Variants in STRIP2 observed in about 807,000 individuals in gnomAD.
The protein encoded by STRIP2 is striatin interacting protein 2, also known as striatin-interacting protein 2.
Under a neutral mutation model 107.1 loss-of-function variants are expected in STRIP2, and 84 were observed. The observed-to-expected ratio is 0.78, with a 90% CI of 0.66 to 0.94. The LOEUF (loss-of-function observed/expected upper bound fraction) is 0.94. STRIP2 is among the 40% of genes least tolerant of loss of function. STRIP2 has a pLI of 0.00. For missense variants in STRIP2, 888 were observed against 1,034.2 expected, an observed-to-expected ratio of 0.86 and a Z score of 1.94; for synonymous variants, 394 against 400.4, an observed-to-expected ratio of 0.98 and a Z score of 0.19.
chr7:129,447,002 A>G (rs1798055065), intron 3 of STRIP2, among the ~76,000 whole-genome samples: 1 of 152,178 alleles, frequency 6.6e-6, no homozygotes, highest in Admixed American at 6.5e-5. Flanking sequence ...TCTGCAGAAG[A>G]TGGCAGGGCC....
At position 129,483,077 on chromosome 7, in the gene STRIP2, G is replaced by T. The variant is rs762997391; in HGVS notation, c.2254+31G>T. The T allele has an allele frequency of 2.5e-6, 4 of 1,609,936 alleles. No individual in the cohort carries two copies. Among genetic ancestry groups the T allele is most frequent in the Non-Finnish European group, 3.4e-6 (4 of 1,176,998 alleles). On this transcript the variant is annotated intron_variant, in intron 20 of 20. Coordinates refer to ENST00000249344, the MANE Select transcript of STRIP2 (RefSeq NM_020704.3). This position sits in a 1 kb window ranked among gnomAD's most constrained non-coding sequence, Gnocchi z 5.1. ...TCTTCCCAAAGCTCTTGACTTCCTGGAGTTTCCTGGGGTTTAGACAAAACT... is the reference window on the plus strand; with the variant it reads ...TCTTCCCAAAGCTCTTGACTTCCTGTAGTTTCCTGGGGTTTAGACAAAACT...
rs372192438 is a variant in STRIP2 at position 129,483,017 on chromosome 7, G to A, written c.2225G>A (p.Arg742His). The A allele has an allele frequency of 1.7e-5, 27 of 1,614,060 alleles. No individual in the cohort carries two copies. The highest frequency in any genetic ancestry group is 1.5e-4 in the African/African-American group (11 of 74,934). The change falls in exon 20 of 21, where the codon CGC becomes CAC. Residue 742 changes from arginine to histidine, a missense_variant. Transcript: ENST00000249344. The surrounding 1 kb of genome is among the most constrained non-coding windows in gnomAD (Gnocchi z 5.1). ...MSAIYQKVRH[R>H]MNDDWAYGND... ...GCCATTTACCAGAAAGTGCGTCACC[G>A]CATGAACGATGACTGGGCTTACGGG...
intron 3 of STRIP2, among the ~76,000 whole-genome samples, chr7:129,451,207 G>C (rs1183195560): frequency 2.0e-5 from 3 of 152,026 alleles, no homozygotes; most frequent in Admixed American, 1.3e-4. Flanking sequence ...CCAAAGTGCT[G>C]GGATTACAGG....
chr7:129,451,940 C>A (rs1798206032), intron 4 of STRIP2, among the ~76,000 whole-genome samples, 193 bp downstream of exon 4: 2 of 152,114 alleles, frequency 1.3e-5, no homozygotes, highest in African/African-American at 4.8e-5. Flanking sequence ...GTTCTAGATC[C>A]CTCGGGATCT....
At chr7:129,466,375 T>C (rs1318772031) in intron 16 of STRIP2, among the ~76,000 whole-genome samples, 1 of 152,200 alleles carries the variant, frequency 6.6e-6, no homozygotes, top group Non-Finnish European at 1.5e-5. Flanking sequence ...AAGAGAGAAG[T>C]AGTCTTGGCA....
At chr7:129,473,341 T>G (rs967102111) in intron 18 of STRIP2, among the ~76,000 whole-genome samples, 4 of 152,226 alleles carry the variant, frequency 2.6e-5, no homozygotes, top group African/African-American at 7.2e-5. Context: ...TATCATTTTA[T>G]TAAACATTCT....
intron 4 of STRIP2, among the ~76,000 whole-genome samples, 181 bp from the exon 5 acceptor site, chr7:129,453,046 T>G (rs1026534440): frequency 3.3e-5 from 5 of 152,158 alleles, no homozygotes; most frequent in African/African-American, 1.2e-4. Flanking sequence ...GACCTAACCC[T>G]GGAGACTACC....
rs189583337 is a variant in STRIP2 at position 129,455,322 on chromosome 7, C to T, written c.785C>T (p.Pro262Leu). 1.2e-6 allele frequency: 2 copies of T among 1,613,918 alleles called. No homozygotes were observed. Among genetic ancestry groups the T allele is most frequent in the Non-Finnish European group, 1.7e-6 (2 of 1,179,902 alleles). ...MVTKFCSGLA[P>L]HFPIKKVLLL... Reference sequence around the variant, plus strand: ...ACCAAGTTCTGCAGTGGCCTGGCTCCTCACTTCCCCATAAAGAAGGTCCTG... The same window carrying T: ...ACCAAGTTCTGCAGTGGCCTGGCTCTTCACTTCCCCATAAAGAAGGTCCTG... Residue 262 changes from proline (P) to leucine (L), a missense_variant, in exon 8 of 21, where the codon CCT (proline) becomes CTT (leucine). Pro to Leu is a moderately conservative substitution (Grantham distance 98). Coordinates refer to ENST00000249344, the MANE Select transcript of STRIP2 (RefSeq NM_020704.3).
intron 3 of STRIP2, among the ~76,000 whole-genome samples, chr7:129,448,267 C>A (rs1798090590): frequency 6.6e-6 from 1 of 152,156 alleles, no homozygotes; most frequent in Admixed American, 6.5e-5. Flanking sequence ...TTTGGGTGCC[C>A]TGGAATCAAT....
intron 20 of STRIP2, among the ~76,000 whole-genome samples, chr7:129,485,225 A>G (rs1463939860): frequency 6.6e-6 from 1 of 152,142 alleles, no homozygotes; most frequent in African/African-American, 2.4e-5. Flanking sequence ...ATAACTAGTA[A>G]TACATAAAGC....
Position 129,453,251 on chromosome 7 carries a change from A to T in STRIP2, c.434A>T (p.Glu145Val). The change falls in exon 5 of 21, where the codon GAG becomes GTG. Residue 145 changes from glutamate (E) to valine (V), a missense_variant. Transcript: ENST00000249344. Reference protein sequence around the residue: ...AQGTFGECDSEVDVLHWSRYN... With the variant: ...AQGTFGECDSVVDVLHWSRYN... ...GGTACTTTTGGGGAATGTGATTCAG[A>T]GGTCGATGTGCTACACTGGTCCAGG... is the stretch of plus-strand genomic sequence containing the variant. 6.2e-7 allele frequency: 1 copy of T among 1,614,108 alleles called. No homozygotes were observed. The highest frequency in any genetic ancestry group is 8.5e-7 in the Non-Finnish European group (1 of 1,179,988).
At chr7:129,484,565 T>C (rs926012879) in intron 20 of STRIP2, 2 of 152,176 alleles carry the variant, frequency 1.3e-5, no homozygotes, top group South Asian at 2.1e-4. Context: ...ACAAGTCTTA[T>C]CCATTTTACT....
chr7:129,451,202 G>A (rs997233215), intron 3 of STRIP2, among the ~76,000 whole-genome samples: 3 of 152,096 alleles, frequency 2.0e-5, no homozygotes, highest in African/African-American at 7.2e-5. Context: ...GCCTCCCAAA[G>A]TGCTGGGATT....
At position 129,444,037 on chromosome 7, in the gene STRIP2, C is replaced by A. The variant is rs1395120323; in HGVS notation, c.213C>A (p.Tyr71Ter). ...HAAELSELYSYTENLEFTNNR... is the reference protein window; with the variant it reads ...HAAELSELYS ...TTCCTGCCACAGAATTGTATAGTTA[C>A]ACTGAGAACCTGGAATTCACCAATA... Residue 71 changes from tyrosine to a stop codon, truncating the protein, a stop_gained, in exon 3 of 21, where the codon TAC becomes TAA. Coordinates refer to ENST00000249344, the MANE Select transcript of STRIP2 (RefSeq NM_020704.3). LOFTEE classifies it high-confidence loss of function. The A allele has an allele frequency of 1.2e-6, 2 of 1,613,384 alleles. No homozygotes were observed. The highest frequency in any genetic ancestry group is 1.7e-6 in the Non-Finnish European group (2 of 1,179,512).
At chr7:129,454,871 T>G (rs550495220) in intron 7 of STRIP2, among the ~76,000 whole-genome samples, 15 of 152,380 alleles carry the variant, frequency 9.8e-5, no homozygotes, top group South Asian at 6.2e-4. Flanking sequence ...TAAGTTGGTG[T>G]TGTCATCTGA....
At chr7:129,485,435 A>G (rs908140714) in intron 20 of STRIP2, 144 bp from the exon 21 acceptor site, 6 of 884,770 alleles carry the variant, frequency 6.8e-6, no homozygotes, top group Non-Finnish European at 9.8e-6. Flanking sequence ...CTGTATACTA[A>G]CTTCATACAT....
rs1797972980 is a variant in STRIP2 at position 129,444,092 on chromosome 7, A to T, written c.268A>T (p.Thr90Ser). ...NRRCFEEDFK[T>S]QVQGKEWLEL... ...GAGGTGCTTTGAAGAAGATTTCAAG[A>T]CTCAAGGTAATTCCAGATCTTTACT... Residue 90 changes from threonine to serine, a missense_variant, in exon 3 of 21, where the codon ACT (threonine) becomes TCT (serine). By Grantham distance (58) the Thr-to-Ser change is moderately conservative (BLOSUM62 1). Transcript: ENST00000249344. 1 of 1,611,692 alleles carries T rather than the reference A, an allele frequency of 6.2e-7. No individual in the cohort carries two copies.
intron 2 of STRIP2, among the ~76,000 whole-genome samples, chr7:129,443,113 T>C (rs1214016277): frequency 6.6e-6 from 1 of 151,426 alleles, no homozygotes; most frequent in African/African-American, 2.4e-5. Context: ...TGATCATAGC[T>C]CACTAAAGCC....
intron 1 of STRIP2, among the ~76,000 whole-genome samples, chr7:129,437,526 T>TTG (rs754228265): frequency 2.7e-4 from 41 of 151,156 alleles, no homozygotes; most frequent in African/African-American, 8.7e-4. Context: ...TTGTTCCAGT[T>TTG]TGTGTGTGTG....
Sources: gnomAD v4.1 joint callset for allele counts (sites outside exome capture counted in the v4.1 genomes callset) on GRCh38, gnomAD v4.1.1 for gene constraint, Gnocchi (gnomAD v3.1) non-coding constraint, MANE v1.5 for transcripts, NCBI Gene and HGNC (gene_info 2026-07-23, HGNC 2026-07-21) for gene names.